Variants in BTAF1 observed in about 807,000 individuals in gnomAD.
BTAF1 encodes B-TFIID TATA-box binding protein associated factor 1, also known as TATA-binding protein-associated factor 172.
BTAF1 carries 38 observed loss-of-function variants against 227.1 expected under a neutral mutation model. That is an observed-to-expected ratio of 0.17 (90% confidence interval 0.13 to 0.22). BTAF1 has a LOEUF of 0.22. BTAF1 is among the 10% of genes least tolerant of loss of function. BTAF1 has a pLI of 1.00. For synonymous variants in BTAF1, 742 were observed against 751.9 expected (o/e 0.99, Z 0.21); for missense variants, 1,598 against 2,204.0 (o/e 0.73, Z 5.51).
At chr10:91,991,600 A>G (rs1027456394) in intron 20 of BTAF1, among the ~76,000 whole-genome samples, 18 of 151,028 alleles carry the variant, frequency 1.2e-4, no homozygotes, top group Admixed American at 9.9e-4. Flanking sequence ...AAAATATAAA[A>G]TTAGCTGGGT....
At chr10:91,964,306 A>G in intron 13 of BTAF1, 105 bp downstream of exon 13, 1 of 1,324,530 alleles carries the variant, frequency 7.5e-7, no homozygotes, top group Non-Finnish European at 1.0e-6. Flanking sequence ...GAATAATATT[A>G]TTTAAGCTGG....
In BTAF1 at chr10:91,937,012, C is replaced by CTT. The variant is rs373795380; in HGVS notation, c.138+1245_138+1246dup. On this transcript the variant is annotated intron_variant, in intron 2 of 37. Transcript: ENST00000265990. ...TCCTGTTGCCCATTGGTTTTGTTTTCTTTTTTTTTTTTTTGAGACAGTCTC... is the reference window on the plus strand; with the variant it reads ...TCCTGTTGCCCATTGGTTTTGTTTTCTTTTTTTTTTTTTTTTGAGACAGTCTC... Among the ~76,000 whole-genome samples the CTT allele has an allele frequency of 1.2e-3, 165 of 143,122 alleles. 2 individuals are homozygous for CTT. The highest frequency in any genetic ancestry group is 1.6e-3 in the South Asian group (7 of 4,468). 93.9% of individuals were successfully genotyped at this position (143,122 alleles called of 152,430 possible). A position where few individuals can be genotyped will look rare whatever the true frequency, so the allele number is the denominator to read the frequency against.
rs549211722 is a variant in BTAF1 at position 91,997,809 on chromosome 10, A to G, written c.3660+58A>G. 2.5e-6 allele frequency: 4 copies of G among 1,570,654 alleles called. No homozygotes were observed. In the South Asian group the frequency reaches 3.4e-5, roughly 13 times the overall value. On this transcript the variant is annotated intron_variant, in intron 25 of 37. Transcript: ENST00000265990. ...TGTTTTCTATAACTTGATCCATAAT[A>G]ATTGTAACCCTTTTTAGGGCCAGGT...
chr10:91,958,893 T>C (rs944955823), intron 8 of BTAF1, among the ~76,000 whole-genome samples, 172 bp from the exon 9 acceptor site: 10 of 152,230 alleles, frequency 6.6e-5, no homozygotes, highest in Non-Finnish European at 1.2e-4. Context: ...CAGTCTGAAA[T>C]GTATATGTGT....
intron 12 of BTAF1, among the ~76,000 whole-genome samples, chr10:91,963,381 T>C: frequency 6.7e-6 from 1 of 149,248 alleles, no homozygotes; most frequent in East Asian, 2.0e-4. Flanking sequence ...ATCGCGCCAC[T>C]GCACTCCAGC....
intron 1 of BTAF1, among the ~76,000 whole-genome samples, chr10:91,925,235 A>T (rs1345256925): frequency 1.3e-5 from 2 of 152,140 alleles, no homozygotes; most frequent in African/African-American, 4.8e-5. Context: ...TTTTTTTTAA[A>T]TAAAACTGCC....
intron 30 of BTAF1, among the ~76,000 whole-genome samples, chr10:92,013,168 G>C (rs1378990472): frequency 1.3e-5 from 2 of 152,200 alleles, no homozygotes; most frequent in African/African-American, 4.8e-5. Flanking sequence ...AAAAGTGCTG[G>C]TTTCTTTTTC....
intron 25 of BTAF1, among the ~76,000 whole-genome samples, chr10:92,004,855 T>C (rs1040359398): frequency 1.3e-5 from 2 of 152,190 alleles, no homozygotes; most frequent in Admixed American, 6.5e-5. Flanking sequence ...TTTTTCTTAT[T>C]TTTTTCCAGT....
At position 91,962,750 on chromosome 10, in the gene BTAF1, A is replaced by G. The variant is rs1340439923; in HGVS notation, c.1404+72A>G. On this transcript the variant is annotated intron_variant, in intron 12 of 37. Transcript: ENST00000265990. ...TTTGGGATATGGAGTATTAGAAAAT[A>G]CATTGTGTACATTTTTCTCCTTCAT... is the stretch of plus-strand genomic sequence containing the variant. The G allele has an allele frequency of 9.6e-6, 13 of 1,349,236 alleles. No individual in the cohort carries two copies. The Admixed American group carries it at 3.6e-4, about 37-fold the overall frequency. 83.6% of individuals were successfully genotyped at this position (1,349,236 alleles called of 1,614,324 possible).
chr10:91,963,848 C>T (rs1230566802), intron 12 of BTAF1, among the ~76,000 whole-genome samples: 1 of 151,952 alleles, frequency 6.6e-6, no homozygotes, highest in Non-Finnish European at 1.5e-5. Context: ...TGAGTCTGGT[C>T]AGGCAGGGAA....
At position 91,997,730 on chromosome 10, in the gene BTAF1, A is replaced by G; in HGVS notation, c.3639A>G (p.Leu1213=). The G allele has an allele frequency of 9.3e-6, 15 of 1,613,814 alleles. No homozygotes were observed. Among genetic ancestry groups the G allele is most frequent in the Non-Finnish European group, 1.3e-5 (15 of 1,180,006 alleles). The change falls in exon 25 of 38, where the codon CTA becomes CTG. Residue 1213 remains leucine (L), a synonymous_variant. Coordinates refer to ENST00000265990, the MANE Select transcript of BTAF1 (RefSeq NM_003972.3). ...RFMATQCFAT[L]IRLMPLEAGI... is the part of the protein sequence containing the mutation. ...TGGCCACGCAGTGCTTTGCAACGCT[A>G]ATTAGACTCATGCCACTTGAGGTAA...
Position 92,013,702 on chromosome 10 carries a change from C to T in BTAF1, c.4347C>T (p.Phe1449=), listed in dbSNP as rs1165353500. The T allele has an allele frequency of 1.9e-6, 3 of 1,613,922 alleles. No individual in the cohort carries two copies. The highest frequency in any genetic ancestry group is 1.3e-5 in the African/African-American group (1 of 74,902). ...NVLELWSLFD[F]LMPGFLGTER... is the part of the protein sequence containing the mutation. ...TGGAGCTGTGGTCATTATTTGATTTCCTCATGCCAGGATTTTTGGGTACTG... is the reference window on the plus strand; with the variant it reads ...TGGAGCTGTGGTCATTATTTGATTTTCTCATGCCAGGATTTTTGGGTACTG... The change falls in exon 31 of 38, where the codon TTC becomes TTT. Residue 1449 remains phenylalanine, a synonymous_variant. Coordinates refer to ENST00000265990, the MANE Select transcript of BTAF1 (RefSeq NM_003972.3).
At position 91,989,456 on chromosome 10, in the gene BTAF1, A is replaced by G. The variant is rs983380368; in HGVS notation, c.2730A>G (p.Thr910=). 15 of 1,613,996 alleles carry G rather than the reference A, an allele frequency of 9.3e-6. No homozygotes were observed. The African/African-American group carries it at 1.7e-4, about 19-fold the overall frequency. ...CTAAACTCCTTCAGCAGTGCACAAC[A>G]AGGACGCCCTGTCCCAATTCAAAAA... ...CIAKLLQQCT[T]RTPCPNSKII... is the part of the protein sequence containing the mutation. The change falls in exon 20 of 38, where the codon ACA becomes ACG. Residue 910 remains threonine, a synonymous_variant. Coordinates refer to ENST00000265990, the MANE Select transcript of BTAF1 (RefSeq NM_003972.3).
chr10:91,991,045 G>C (rs1312999406), intron 20 of BTAF1, among the ~76,000 whole-genome samples: 1 of 151,530 alleles, frequency 6.6e-6, no homozygotes, highest in African/African-American at 2.4e-5. Flanking sequence ...AGAAGTTCGA[G>C]ACCATCCTGA....
chr10:91,999,977 A>G (rs1849404311), intron 25 of BTAF1, among the ~76,000 whole-genome samples: 1 of 152,152 alleles, frequency 6.6e-6, no homozygotes, highest in Non-Finnish European at 1.5e-5. Flanking sequence ...ATTGGGAAGG[A>G]GCATATGGGA....
At position 92,023,722 on chromosome 10, in the gene BTAF1, G is replaced by A. The variant is rs369092067; in HGVS notation, c.4864-1034G>A. Among the ~76,000 whole-genome samples, 8 of 152,196 alleles carry A rather than the reference G, an allele frequency of 5.3e-5. No homozygotes were observed. The South Asian group carries it at 6.2e-4, about 12-fold the overall frequency. ...CTTAGATTTTGTTTTTGCAACCTCC[G>A]CCTTCAGGGTTCCAGCAATTCTCCT... On this transcript the variant is annotated intron_variant, in intron 34 of 37. Coordinates refer to ENST00000265990, the MANE Select transcript of BTAF1 (RefSeq NM_003972.3).
At chr10:92,023,585 G>A (rs1284648273) in intron 34 of BTAF1, among the ~76,000 whole-genome samples, 2 of 152,158 alleles carry the variant, frequency 1.3e-5, no homozygotes, top group Non-Finnish European at 2.9e-5. Context: ...TCAGGAGGCT[G>A]AAGCAGGAGA....
intron 14 of BTAF1, among the ~76,000 whole-genome samples, chr10:91,967,816 T>G (rs1213880318): frequency 6.6e-6 from 1 of 152,244 alleles, no homozygotes; most frequent in East Asian, 1.9e-4. Flanking sequence ...AAATTCATTT[T>G]ATGTAGACCC....
chr10:91,957,328 A>G (rs765051662), intron 8 of BTAF1, 35 bp downstream of exon 8: 23 of 1,534,986 alleles, frequency 1.5e-5, no homozygotes, highest in South Asian at 6.9e-5. Flanking sequence ...TCTCAGCTCT[A>G]TTTTCTGTGC....
Sources: allele counts gnomAD v4.1 joint callset (sites outside exome capture counted in the v4.1 genomes callset), GRCh38; gene constraint gnomAD v4.1.1; transcripts MANE v1.5; gene names NCBI Gene and HGNC (gene_info 2026-07-23, HGNC 2026-07-21).